The following PTPRT variants were observed in gnomAD, a reference collection of about 807,000 sequenced individuals.
PTPRT encodes the protein protein tyrosine phosphatase receptor type T, also known as receptor-type tyrosine-protein phosphatase T.
PTPRT carries 56 observed loss-of-function variants against 176.8 expected under a neutral mutation model. That is an observed-to-expected ratio of 0.32 (90% CI 0.26 to 0.40). The LOEUF is 0.40. Among genes scored for constraint, PTPRT ranks in the 10% least tolerant of loss-of-function variants. The probability of loss-of-function intolerance (pLI) is 1.00; values close to 1 mark genes in which losing one functional copy is unlikely to be tolerated. For missense variants in PTPRT, 1,540 were observed against 1,908.2 expected, an observed-to-expected ratio of 0.81 and a Z score of 3.60; for synonymous variants, 783 against 739.0, an observed-to-expected ratio of 1.06 and a Z score of -0.96.
At chr20:42,564,952 GCCGGAACCAA>G (rs2073014068) in intron 7 of PTPRT, among the ~76,000 whole-genome samples, 1 of 152,050 alleles carries the variant, frequency 6.6e-6, no homozygotes, top group South Asian at 2.1e-4. Flanking sequence ...CAAGGAGGGT[GCCGGAACCAA>G]TCTCCTGAGG....
intron 27 of PTPRT, among the ~76,000 whole-genome samples, chr20:42,087,221 C>T (rs1984058777): frequency 1.3e-5 from 2 of 151,106 alleles, no homozygotes; most frequent in Admixed American, 1.3e-4. Context: ...AGTATAAAAT[C>T]ATTATAATTA....
chr20:42,851,140 T>C (rs999906841), intron 2 of PTPRT, among the ~76,000 whole-genome samples: 1 of 152,198 alleles, frequency 6.6e-6, no homozygotes, highest in Non-Finnish European at 1.5e-5. Context: ...CTCATTAGAG[T>C]TGAACATTTT....
At chr20:42,052,513 C>T in the PTPRT span, among the ~76,000 whole-genome samples, 1 of 152,220 alleles carries the variant, frequency 6.6e-6, no homozygotes, top group Admixed American at 6.5e-5. Context: ...TCTCCCCTCC[C>T]ATACCATTTT....
At chr20:42,726,486 G>A (rs2076383212) in intron 6 of PTPRT, among the ~76,000 whole-genome samples, 1 of 152,220 alleles carries the variant, frequency 6.6e-6, no homozygotes, top group Admixed American at 6.5e-5. Flanking sequence ...TATTGCTGAG[G>A]TGTTACCTGC....
chr20:42,102,730 T>C (rs980207948), intron 25 of PTPRT, among the ~76,000 whole-genome samples: 4 of 152,172 alleles, frequency 2.6e-5, no homozygotes, highest in African/African-American at 9.7e-5. Flanking sequence ...TTACCAGCCC[T>C]CTTCTCAGAG....
Position 42,109,709 on chromosome 20 carries a change from G to GTAAAA in PTPRT, c.3254+619_3254+623dup, listed in dbSNP as rs150163142. Among the ~76,000 whole-genome samples the GTAAAA allele has an allele frequency of 6.9e-3, 1,044 of 152,314 alleles. 14 individuals are homozygous for GTAAAA. Among genetic ancestry groups the GTAAAA allele is most frequent in the African/African-American group, 0.024 (997 of 41,570 alleles). On this transcript the variant is annotated intron_variant, in intron 23 of 30. Transcript: ENST00000373187. ...CCTCAGCACTTGAGTTTTTGTATCT[G>GTAAAA]TAAAATGGGAATGTTAATAATGCCC...
intron 1 of PTPRT, among the ~76,000 whole-genome samples, chr20:43,024,617 A>G (rs1985839885): frequency 6.6e-6 from 1 of 151,634 alleles, no homozygotes; most frequent in South Asian, 2.1e-4. Flanking sequence ...CCTCACAAAC[A>G]TTCCCATGTG....
intron 1 of PTPRT, among the ~76,000 whole-genome samples, chr20:43,014,555 C>T (rs1363544385): frequency 3.3e-5 from 5 of 152,174 alleles, no homozygotes; most frequent in Non-Finnish European, 4.4e-5. Flanking sequence ...GAATTAAAAT[C>T]GGCATTCCGG....
In PTPRT at chr20:43,188,770, G is replaced by A. The variant is rs763440670; in HGVS notation, c.88+876C>T. On this transcript the variant is annotated intron_variant, in intron 1 of 30. Coordinates refer to ENST00000373187, the MANE Select transcript of PTPRT (RefSeq NM_007050.6). ...CTCTTGGGGGGGGGGGGGCTCGGGG[G>A]TGGAAGCTGCCTGCGGTGGGGCTTG... Among the ~76,000 whole-genome samples, 255 of 151,014 alleles carry A rather than the reference G, an allele frequency of 1.7e-3. 1 individual carries two copies. The highest frequency in any genetic ancestry group is 2.2e-3 in the Non-Finnish European group (147 of 67,632).
chr20:43,131,359 G>A lies in PTPRT; in HGVS notation c.88+58287C>T, dbSNP rs571025856. 5.3e-5 allele frequency among the ~76,000 whole-genome samples: 8 copies of A among 152,320 alleles called. No homozygotes were observed. In the South Asian group the frequency reaches 1.7e-3, roughly 32 times the overall value. On this transcript the variant is annotated intron_variant, in intron 1 of 30. Transcript: ENST00000373187. ...CTTGTCCCTGCTGGGTAATTCCAGG[G>A]CAGATCTGCTTTTTCCCAGTATGCA...
chr20:42,974,120 C>T (rs1982808969), intron 1 of PTPRT, among the ~76,000 whole-genome samples: 1 of 152,178 alleles, frequency 6.6e-6, no homozygotes, highest in Admixed American at 6.5e-5. Flanking sequence ...CGCCAACCAG[C>T]AGCAGATGCT....
At chr20:42,037,982 GC>G in the PTPRT span, among the ~76,000 whole-genome samples, 1 of 152,120 alleles carries the variant, frequency 6.6e-6, no homozygotes, top group South Asian at 2.1e-4. Flanking sequence ...CTCACTTTAT[GC>G]CAGACTATGC....
intron 16 of PTPRT, among the ~76,000 whole-genome samples, chr20:42,162,505 T>C (rs773386599): frequency 1.1e-4 from 16 of 152,240 alleles, no homozygotes; most frequent in Admixed American, 3.3e-4. Context: ...CTGCCAGGCA[T>C]ACATTCTTGA....
Position 42,308,617 on chromosome 20 carries a change from A to G in PTPRT, c.2139+7106T>C, listed in dbSNP as rs548681129. On this transcript the variant is annotated intron_variant, in intron 12 of 30. Transcript: ENST00000373187. ...AAGATACTTTAATATACATTGTCTA[A>G]TTTACTCTCTCCCGATTTTTTTGAG... Among the ~76,000 whole-genome samples the G allele has an allele frequency of 1.2e-4, 18 of 152,266 alleles. No homozygotes were observed. The South Asian group carries it at 3.7e-3, about 32-fold the overall frequency.
intron 16 of PTPRT, among the ~76,000 whole-genome samples, chr20:42,194,168 T>G (rs1046512701): frequency 6.6e-6 from 1 of 152,228 alleles, no homozygotes; most frequent in East Asian, 1.9e-4. Context: ...CATGTATTAT[T>G]TGTGATATAA....
intron 27 of PTPRT, among the ~76,000 whole-genome samples, chr20:42,095,593 A>G (rs917832818): frequency 6.6e-6 from 1 of 152,224 alleles, no homozygotes; most frequent in Non-Finnish European, 1.5e-5. Flanking sequence ...TCTATGTCCC[A>G]GATCCAACGT....
At chr20:42,703,252 C>T (rs563282215) in intron 6 of PTPRT, among the ~76,000 whole-genome samples, 1 of 151,734 alleles carries the variant, frequency 6.6e-6, no homozygotes, top group Non-Finnish European at 1.5e-5. Context: ...ACAGACACAC[C>T]AGAATTCTAT....
chr20:42,794,663 T>A (rs775442244), intron 2 of PTPRT, among the ~76,000 whole-genome samples: 1 of 152,172 alleles, frequency 6.6e-6, no homozygotes, highest in Non-Finnish European at 1.5e-5. Context: ...AAAAAGGGAA[T>A]AAACTATTAT....
At chr20:42,951,083 A>C (rs1459070498) in intron 1 of PTPRT, among the ~76,000 whole-genome samples, 1 of 152,254 alleles carries the variant, frequency 6.6e-6, no homozygotes, top group Admixed American at 6.5e-5. Flanking sequence ...GGATGAATAG[A>C]AATAAAATGA....
Sources: allele counts gnomAD v4.1 joint callset (sites outside exome capture counted in the v4.1 genomes callset), GRCh38; gene constraint gnomAD v4.1.1; transcripts MANE v1.5; gene names NCBI Gene and HGNC (gene_info 2026-07-23, HGNC 2026-07-21).